DAB1: variants seen among roughly 807,000 people sequenced by gnomAD.
DAB1 encodes disabled homolog 1.
In DAB1, 15 loss-of-function variants were observed where a neutral mutation model predicts 64.6. That is an observed-to-expected ratio of 0.23 (90% confidence interval 0.16 to 0.36). The LOEUF is 0.36. Ranked by LOEUF, DAB1 falls within the 10% of genes least tolerant of loss-of-function variation. The pLI, the probability that DAB1 is intolerant of heterozygous loss-of-function variation, is 1.00. For missense variants in DAB1, 596 were observed against 706.7 expected (o/e 0.84, Z 1.78); for synonymous variants, 235 against 251.9 (o/e 0.93, Z 0.64).
intron 6 of DAB1, among the ~76,000 whole-genome samples, chr1:57,749,480 T>C (rs549814010): frequency 6.6e-6 from 1 of 152,256 alleles, no homozygotes; most frequent in South Asian, 2.1e-4. Flanking sequence ...TTTTGAAGAG[T>C]TGGAAGCCTT....
At chr1:58,051,322 G>A (rs569626422) in intron 5 of DAB1, among the ~76,000 whole-genome samples, 1 of 152,084 alleles carries the variant, frequency 6.6e-6, no homozygotes, top group South Asian at 2.1e-4. Context: ...CCTTGTGATA[G>A]TTTGCTCAGA....
chr1:57,584,634 TA>T (rs1394354045), intron 7 of DAB1, among the ~76,000 whole-genome samples: 5 of 152,174 alleles, frequency 3.3e-5, no homozygotes, highest in African/African-American at 1.2e-4. Context: ...CACTCAGACC[TA>T]TTATTCCAGA....
intron 5 of DAB1, among the ~76,000 whole-genome samples, chr1:58,085,958 CTTTTTT>C (rs911523306): frequency 2.0e-5 from 2 of 98,704 alleles, no homozygotes; most frequent in Non-Finnish European, 3.7e-5. Flanking sequence ...ATCTCTCTCT[CTTTTTT>C]TTTTTTTTTT....
At chr1:58,071,946 AC>A (rs1046355166) in intron 5 of DAB1, among the ~76,000 whole-genome samples, 20 of 152,064 alleles carry the variant, frequency 1.3e-4, no homozygotes, top group African/African-American at 4.6e-4. Flanking sequence ...TATAATTCCC[AC>A]CCTCTTGAAG....
At chr1:57,296,900 A>T (rs1673235609) in intron 1 of DAB1, among the ~76,000 whole-genome samples, 1 of 152,216 alleles carries the variant, frequency 6.6e-6, no homozygotes, top group Non-Finnish European at 1.5e-5. Context: ...AAGAAGCAGA[A>T]TATTTGCAGG....
At chr1:57,655,846 T>C (rs957066172) in intron 6 of DAB1, among the ~76,000 whole-genome samples, 1 of 152,262 alleles carries the variant, frequency 6.6e-6, no homozygotes, top group African/African-American at 2.4e-5. Flanking sequence ...TAACAACTTT[T>C]GTTGAAGAAC....
At chr1:58,494,024 A>T (rs2100386028) in intron 3 of DAB1, among the ~76,000 whole-genome samples, 1 of 152,038 alleles carries the variant, frequency 6.6e-6, no homozygotes, top group Admixed American at 6.5e-5. Flanking sequence ...ACTATACTAC[A>T]AGGCTACAGT....
chr1:58,359,003 G>C (rs1160375528), intron 3 of DAB1, among the ~76,000 whole-genome samples: 4 of 140,642 alleles, frequency 2.8e-5, no homozygotes, highest in Non-Finnish European at 6.2e-5. Flanking sequence ...ATCTAGGTTA[G>C]GTCTGAAGAG....
intron 4 of DAB1, among the ~76,000 whole-genome samples, chr1:58,211,513 A>AACTC (rs1658548832): frequency 1.3e-5 from 2 of 152,194 alleles, no homozygotes; most frequent in South Asian, 4.1e-4. Flanking sequence ...TGCTAGCTGT[A>AACTC]ACTCACACAC....
chr1:58,090,064 T>A (rs1054691382), intron 5 of DAB1, among the ~76,000 whole-genome samples: 3 of 152,234 alleles, frequency 2.0e-5, no homozygotes, highest in African/African-American at 7.2e-5. Flanking sequence ...GCCTTGTTTC[T>A]TCATCTGCAG....
intron 2 of DAB1, among the ~76,000 whole-genome samples, chr1:57,258,817 A>G (rs919757115): frequency 2.0e-5 from 3 of 152,046 alleles, no homozygotes; most frequent in African/African-American, 7.2e-5. Context: ...GGGGGTAGCA[A>G]TATGTCAGCA....
chr1:57,627,234 G>A, intron 7 of DAB1, among the ~76,000 whole-genome samples: 1 of 152,240 alleles, frequency 6.6e-6, no homozygotes, highest in East Asian at 1.9e-4. Context: ...CTACATTATT[G>A]GCTCCCCTGG....
intron 4 of DAB1, among the ~76,000 whole-genome samples, chr1:58,193,639 T>G (rs1019771511): frequency 1.3e-5 from 2 of 152,110 alleles, no homozygotes; most frequent in African/African-American, 4.8e-5. Context: ...GTGGATCACC[T>G]GAGGTCAGGA....
intron 3 of DAB1, among the ~76,000 whole-genome samples, chr1:58,504,651 T>C (rs1200726784): frequency 1.3e-5 from 2 of 152,208 alleles, no homozygotes; most frequent in Admixed American, 6.5e-5. Context: ...GAACACAGAA[T>C]AGTAGATTAA....
At chr1:57,688,678 A>G (rs1227006797) in intron 6 of DAB1, among the ~76,000 whole-genome samples, 1 of 152,188 alleles carries the variant, frequency 6.6e-6, no homozygotes, top group Non-Finnish European at 1.5e-5. Context: ...GTGCCCATCA[A>G]CGGTGGATTA....
intron 5 of DAB1, among the ~76,000 whole-genome samples, chr1:57,998,889 C>T (rs1168602548): frequency 2.6e-5 from 4 of 152,156 alleles, no homozygotes; most frequent in Non-Finnish European, 5.9e-5. Context: ...CAAGTATGTA[C>T]ATGGATTATC....
At chr1:57,722,986 T>C (rs1384742901) in intron 6 of DAB1, among the ~76,000 whole-genome samples, 1 of 152,188 alleles carries the variant, frequency 6.6e-6, no homozygotes, top group Non-Finnish European at 1.5e-5. Context: ...GTGAGTATGT[T>C]GCTCCCATCT....
intron 3 of DAB1, chr1:58,473,843 T>G (rs760365423): frequency 3.3e-6 from 2 of 602,828 alleles, no homozygotes; most frequent in Non-Finnish European, 5.8e-6. Context: ...AAGACTGGTG[T>G]GTCTTCCTAG....
At chr1:58,401,558 T>C (rs76630994) in intron 3 of DAB1, among the ~76,000 whole-genome samples, 1 of 152,232 alleles carries the variant, frequency 6.6e-6, no homozygotes, top group Non-Finnish European at 1.5e-5. Context: ...ATTTATTTCA[T>C]TTATTATCTG....
Sources: allele counts gnomAD v4.1 joint callset (sites outside exome capture counted in the v4.1 genomes callset), GRCh38; gene constraint gnomAD v4.1.1; transcripts MANE v1.5; gene names NCBI Gene and HGNC (gene_info 2026-07-23, HGNC 2026-07-21).